The following MEI1 variants were observed in gnomAD, a reference collection of about 807,000 sequenced individuals.
The protein encoded by MEI1 is meiotic double-stranded break formation protein 1.
Under a neutral mutation model 146.2 loss-of-function variants are expected in MEI1, and 103 were observed. The ratio of observed to expected loss-of-function variants is 0.70; its 90% CI spans 0.60 to 0.83. MEI1 has a LOEUF of 0.83. Among genes scored for constraint, MEI1 ranks in the 40% least tolerant of loss-of-function variants. The pLI is 0.00. For synonymous variants in MEI1, 652 were observed against 628.2 expected (o/e 1.04, Z -0.57); for missense variants, 1,529 against 1,533.0 (o/e 1.00, Z 0.04).
At chr22:41,702,710 G>T (rs2068803062) in intron 1 of MEI1, among the ~76,000 whole-genome samples, 1 of 151,768 alleles carries the variant, frequency 6.6e-6, no homozygotes, top group Non-Finnish European at 1.5e-5. Flanking sequence ...CTCCCAAAAT[G>T]TTGGGATTAC....
chr22:41,713,345 G>T (rs1873704732), intron 3 of MEI1, among the ~76,000 whole-genome samples: 1 of 152,126 alleles, frequency 6.6e-6, no homozygotes, highest in South Asian at 2.1e-4. Context: ...GCATGTACCT[G>T]TAGTCCCAGC....
intron 23 of MEI1, 136 bp downstream of exon 23, chr22:41,781,530 A>G: frequency 8.7e-7 from 1 of 1,145,400 alleles, no homozygotes; most frequent in Non-Finnish European, 1.2e-6. Context: ...TGGCTCTAAT[A>G]ACCTGAGCTT....
At chr22:41,702,527 A>G (rs1211242804) in intron 1 of MEI1, among the ~76,000 whole-genome samples, 1 of 149,128 alleles carries the variant, frequency 6.7e-6, no homozygotes, top group Non-Finnish European at 1.5e-5. Context: ...GCTCACCGCA[A>G]CCTCCCCTCC....
At chr22:41,725,198 GC>G (rs1231074443) in intron 7 of MEI1, among the ~76,000 whole-genome samples, 1 of 151,188 alleles carries the variant, frequency 6.6e-6, no homozygotes, top group Non-Finnish European at 1.5e-5. Flanking sequence ...TACAACCTCC[GC>G]CCCCCAGGCT....
At chr22:41,723,218 GTT>G (rs11285552) in intron 6 of MEI1, among the ~76,000 whole-genome samples, 10 of 146,916 alleles carry the variant, frequency 6.8e-5, no homozygotes, top group Non-Finnish European at 9.0e-5. Flanking sequence ...GTCTGACTTG[GTT>G]TTTTTTTTTT....
rs1329052780 is a variant in MEI1, at chr22:41,732,301, C to G, written c.1153C>G (p.Leu385Val). The change falls in exon 10 of 31, where the codon CTG becomes GTG. Residue 385 changes from leucine to valine, a missense_variant. Transcript: ENST00000401548. ...QGSLKMNNIE[L>V]HKQGLLLFAE... ...AAGCCTGAAGATGAACAACATAGAG[C>G]TGCACAAGCAGGGCCTGCTGCTTTT... The G allele has an allele frequency of 3.7e-6, 6 of 1,612,618 alleles. No homozygotes were observed. The highest frequency in any genetic ancestry group is 5.1e-6 in the Non-Finnish European group (6 of 1,179,426).
At chr22:41,718,901 CT>C (rs1002432001) in intron 6 of MEI1, among the ~76,000 whole-genome samples, 9 of 151,538 alleles carry the variant, frequency 5.9e-5, no homozygotes, top group African/African-American at 1.9e-4. Context: ...GAGACAGAGC[CT>C]TGCTCTGTTG....
chr22:41,750,847 C>T (rs1419809687), intron 15 of MEI1, among the ~76,000 whole-genome samples: 1 of 152,212 alleles, frequency 6.6e-6, no homozygotes, highest in East Asian at 1.9e-4. Flanking sequence ...CTGCATCCCT[C>T]AGCCATTGTG....
At chr22:41,794,530 T>C (rs1321027514) in intron 28 of MEI1, 53 bp downstream of exon 28, 2 of 1,469,962 alleles carry the variant, frequency 1.4e-6, no homozygotes, top group African/African-American at 2.8e-5. Context: ...AGCTGGGTGG[T>C]GCTGAAGAGG....
intron 3 of MEI1, among the ~76,000 whole-genome samples, chr22:41,706,791 CCT>C (rs1407168339): frequency 1.3e-5 from 2 of 151,850 alleles, no homozygotes; most frequent in African/African-American, 4.8e-5. Flanking sequence ...AGGTAAGAGC[CCT>C]GGTATGTGAC....
At chr22:41,707,165 T>C (rs1035468185) in intron 3 of MEI1, among the ~76,000 whole-genome samples, 1 of 152,084 alleles carries the variant, frequency 6.6e-6, no homozygotes, top group Non-Finnish European at 1.5e-5. Context: ...ATCGCGCCAC[T>C]GCACTTCAAC....
At chr22:41,724,828 G>A (rs2071178202) in intron 7 of MEI1, among the ~76,000 whole-genome samples, 2 of 150,932 alleles carry the variant, frequency 1.3e-5, no homozygotes, top group Non-Finnish European at 3.0e-5. Flanking sequence ...TAAGTGCCGA[G>A]GTCTTGCTCT....
chr22:41,729,714 T>A lies in MEI1; in HGVS notation c.914T>A (p.Ile305Lys), dbSNP rs747333551. ...CTGCAGGTGGCCAGTGCTCACTGTATAACTGCGGTGCTTGTCCACTCCCCA... is the reference window on the plus strand; with the variant it reads ...CTGCAGGTGGCCAGTGCTCACTGTAAAACTGCGGTGCTTGTCCACTCCCCA... ...ETLQVASAHC[I>K]TAVLVHSPAK... The change falls in exon 8 of 31, where the codon ATA becomes AAA. Residue 305 changes from isoleucine (I) to lysine (K), a missense_variant. By Grantham distance (102) the Ile-to-Lys change is moderately radical. This residue lies in a region of MEI1 where 1,212 missense variants were observed against 1,178.9 expected (regional missense o/e 1.03). Transcript: ENST00000401548. 6.2e-7 allele frequency: 1 copy of A among 1,612,568 alleles called. No individual in the cohort carries two copies. The highest frequency in any genetic ancestry group is 8.5e-7 in the Non-Finnish European group (1 of 1,179,456).
At chr22:41,703,195 T>C in intron 1 of MEI1, 136 bp from the exon 2 acceptor site, 1 of 905,462 alleles carries the variant, frequency 1.1e-6, no homozygotes, top group South Asian at 1.6e-5. Context: ...CAACCTCCCT[T>C]GAAGGAGTAT....
At chr22:41,737,260 G>A (rs1160120612) in intron 11 of MEI1, among the ~76,000 whole-genome samples, 4 of 150,692 alleles carry the variant, frequency 2.7e-5, no homozygotes, top group African/African-American at 4.9e-5. Context: ...TTTTTGAGAC[G>A]GAGTCTTGCT....
chr22:41,719,449 A>G (rs1168591137), intron 6 of MEI1, among the ~76,000 whole-genome samples: 2 of 152,146 alleles, frequency 1.3e-5, no homozygotes, highest in Non-Finnish European at 2.9e-5. Context: ...GCCCTCCCCA[A>G]GTGCTGGGAT....
chr22:41,783,751 G>C (rs764370844), intron 24 of MEI1, among the ~76,000 whole-genome samples: 2 of 152,262 alleles, frequency 1.3e-5, no homozygotes, highest in Admixed American at 6.5e-5. Flanking sequence ...CAGTATCCCA[G>C]CTCACTGCAG....
chr22:41,725,626 G>T (rs762887074), intron 7 of MEI1, among the ~76,000 whole-genome samples: 1 of 152,048 alleles, frequency 6.6e-6, no homozygotes, highest in Non-Finnish European at 1.5e-5. Flanking sequence ...TCTTTCCCTG[G>T]TCCTGCATAT....
chr22:41,748,817 T>C (rs77047189), intron 15 of MEI1, among the ~76,000 whole-genome samples: 1 of 151,990 alleles, frequency 6.6e-6, no homozygotes, highest in Admixed American at 6.6e-5. Context: ...TTTTTTTTTT[T>C]GTCTGAGATT....
Sources: gnomAD v4.1 joint callset for allele counts (sites outside exome capture counted in the v4.1 genomes callset) on GRCh38, gnomAD v4.1.1 for gene constraint, gnomAD v4.1.1 regional missense constraint, MANE v1.5 for transcripts, NCBI Gene and HGNC (gene_info 2026-07-23, HGNC 2026-07-21) for gene names.